Variants in GALNT9 observed in about 807,000 individuals in gnomAD.
GALNT9 encodes the protein GalNAc transferase 9.
In GALNT9, 47 loss-of-function variants were observed where a neutral mutation model predicts 63.1. The ratio of observed to expected loss-of-function variants is 0.75; its 90% CI spans 0.59 to 0.95. The LOEUF is 0.95. GALNT9 is among the 40% of genes least tolerant of loss of function. The probability of loss-of-function intolerance (pLI) is 0.00; values close to 1 mark genes in which losing one functional copy is unlikely to be tolerated. For synonymous variants in GALNT9, 396 were observed against 365.7 expected (o/e 1.08, Z -0.94); for missense variants, 829 against 874.8 (o/e 0.95, Z 0.66).
intron 6 of GALNT9, among the ~76,000 whole-genome samples, chr12:132,228,102 G>C (rs1877763268): frequency 6.6e-6 from 1 of 152,104 alleles, no homozygotes; most frequent in Admixed American, 6.5e-5. Context: ...GGGGTGGCGG[G>C]GGGGCACCAA....
rs75403794 is a variant in GALNT9, at chr12:132,263,516, G to A, written c.420-891C>T. Among the ~76,000 whole-genome samples, 20 of 152,262 alleles carry A rather than the reference G, an allele frequency of 1.3e-4. No homozygotes were observed. The East Asian group carries it at 3.9e-3, about 30-fold the overall frequency. ...CACTCCCAGAGCCCAGGGGGAGGGG[G>A]GCAGGGCTGCTCAGAAAGCCTGTGG... On this transcript the variant is annotated intron_variant, in intron 2 of 10. Coordinates refer to ENST00000328957, the MANE Select transcript of GALNT9 (RefSeq NM_001122636.2).
chr12:132,199,023 C>T (rs1189377437), intron 9 of GALNT9, 151 bp downstream of exon 9: 7 of 582,632 alleles, frequency 1.2e-5, no homozygotes, highest in African/African-American at 7.5e-5. Flanking sequence ...TCTAGAGGGG[C>T]CCTCAGGCTG....
In GALNT9 at chr12:132,286,136, TG is replaced by T; in HGVS notation, c.419+113del. ...GGGGCGGTCACTTCCCTGGCGGGCG[TG>T]GGGGCCGCTCACTTCCCCGGCCGGC... On this transcript the variant is annotated intron_variant, in intron 2 of 10. Coordinates refer to ENST00000328957, the MANE Select transcript of GALNT9 (RefSeq NM_001122636.2). The surrounding 1 kb of genome is among the most constrained non-coding windows in gnomAD (Gnocchi z 7.4). The T allele has an allele frequency of 8.8e-7, 1 of 1,137,378 alleles. No individual in the cohort carries two copies. Among genetic ancestry groups the T allele is most frequent in the Non-Finnish European group, 1.2e-6 (1 of 864,222 alleles). 70.5% of individuals were successfully genotyped at this position (1,137,378 alleles called of 1,614,324 possible).
In GALNT9 at chr12:132,252,568, G is replaced by A. The variant is rs1349594501; in HGVS notation, c.960-4541C>T. Among the ~76,000 whole-genome samples the A allele has an allele frequency of 6.6e-6, 1 of 152,144 alleles. No homozygotes were observed. The highest frequency in any genetic ancestry group is 1.5e-5 in the Non-Finnish European group (1 of 68,030). On this transcript the variant is annotated intron_variant, in intron 5 of 10. Transcript: ENST00000328957. This position sits in a 1 kb window ranked among gnomAD's most constrained non-coding sequence, Gnocchi z 5.2. ...AAGAGAAAACAGCTGGGCCTGGGGG[G>A]AACCACTGCCATCAAGACACGGAGA... is the stretch of plus-strand genomic sequence containing the variant.
chr12:132,285,461 T>C (rs571389889), intron 2 of GALNT9, among the ~76,000 whole-genome samples: 1 of 152,332 alleles, frequency 6.6e-6, no homozygotes. Flanking sequence ...AGGGCAGGTG[T>C]GAGGGTCAGC....
At chr12:132,259,697 C>G (rs1879291512) in intron 4 of GALNT9, among the ~76,000 whole-genome samples, 2 of 152,176 alleles carry the variant, frequency 1.3e-5, no homozygotes, top group Non-Finnish European at 2.9e-5. Context: ...GCAGGAGGCC[C>G]AAGGTCACAT....
In GALNT9 at chr12:132,319,254, G is replaced by A. The variant is rs1040206212; in HGVS notation, c.238+9712C>T. Among the ~76,000 whole-genome samples the A allele has an allele frequency of 2.0e-5, 3 of 152,170 alleles. No homozygotes were observed. Among genetic ancestry groups the A allele is most frequent in the Non-Finnish European group, 4.4e-5 (3 of 68,020 alleles). Reference sequence around the variant, plus strand: ...CTGAATCAGGGGGCTGAGGAAGAAAGGTCTGTCCTCCCCAGTGCAGACAGG... The same window carrying A: ...CTGAATCAGGGGGCTGAGGAAGAAAAGTCTGTCCTCCCCAGTGCAGACAGG... On this transcript the variant is annotated intron_variant, in intron 1 of 10. Transcript: ENST00000328957. The surrounding 1 kb of genome is among the most constrained non-coding windows in gnomAD (Gnocchi z 5.2).
At chr12:132,208,220 C>T (rs1431949565) in intron 6 of GALNT9, among the ~76,000 whole-genome samples, 2 of 151,614 alleles carry the variant, frequency 1.3e-5, no homozygotes, top group African/African-American at 4.8e-5. Flanking sequence ...AAGGATCAGG[C>T]AAAATCCTCC....
chr12:132,310,459 C>A lies in GALNT9; in HGVS notation c.238+18507G>T, dbSNP rs1475461013. Among the ~76,000 whole-genome samples the A allele has an allele frequency of 6.6e-6, 1 of 152,188 alleles. No homozygotes were observed. Among genetic ancestry groups the A allele is most frequent in the Non-Finnish European group, 1.5e-5 (1 of 68,048 alleles). On this transcript the variant is annotated intron_variant, in intron 1 of 10. Transcript: ENST00000328957. The surrounding 1 kb of genome is among the most constrained non-coding windows in gnomAD (Gnocchi z 4.8). ...CACCCAGAAGGACGGGGCCGGCCAT[C>A]TCCTGGAGGCTGAGAGCCCTCCGGG... is the stretch of plus-strand genomic sequence containing the variant.
rs1214508268 is a variant in GALNT9, at chr12:132,286,021, G to A, written c.419+229C>T. Among the ~76,000 whole-genome samples the A allele has an allele frequency of 6.6e-6, 1 of 152,096 alleles. No homozygotes were observed. The highest frequency in any genetic ancestry group is 1.5e-5 in the Non-Finnish European group (1 of 67,986). ...CTTTGCGCGTTTCTCCCAGGAGCCCGCAGCTCGTGGGGGCAGTCCCCGGCC... is the reference window on the plus strand; with the variant it reads ...CTTTGCGCGTTTCTCCCAGGAGCCCACAGCTCGTGGGGGCAGTCCCCGGCC... On this transcript the variant is annotated intron_variant, in intron 2 of 10. Coordinates refer to ENST00000328957, the MANE Select transcript of GALNT9 (RefSeq NM_001122636.2). The surrounding 1 kb of genome is among the most constrained non-coding windows in gnomAD (Gnocchi z 7.4).
intron 6 of GALNT9, among the ~76,000 whole-genome samples, chr12:132,239,941 C>T (rs1487324136): frequency 2.0e-5 from 3 of 152,052 alleles, no homozygotes; most frequent in African/African-American, 7.2e-5. Context: ...TGGCCTCAGG[C>T]AGCCGCCTGC....
intron 1 of GALNT9, among the ~76,000 whole-genome samples, chr12:132,288,920 G>A (rs782476769): frequency 2.8e-4 from 42 of 152,112 alleles, no homozygotes; most frequent in African/African-American, 3.6e-4. Flanking sequence ...CGTTGGACCC[G>A]GCAGGAGGGT....
intron 1 of GALNT9, among the ~76,000 whole-genome samples, chr12:132,291,695 C>A (rs1555242806): frequency 6.9e-6 from 1 of 145,822 alleles, no homozygotes; most frequent in African/African-American, 2.5e-5. Context: ...TCCACAGCGC[C>A]CACATCCATG....
chr12:132,229,169 C>T (rs1229547843), intron 6 of GALNT9, among the ~76,000 whole-genome samples: 1 of 152,226 alleles, frequency 6.6e-6, no homozygotes, highest in Non-Finnish European at 1.5e-5. Flanking sequence ...CTGTTCCCTG[C>T]AGCTGCCTCT....
At chr12:132,204,946 C>T (rs1197388742) in intron 6 of GALNT9, among the ~76,000 whole-genome samples, 1 of 152,104 alleles carries the variant, frequency 6.6e-6, no homozygotes, top group Non-Finnish European at 1.5e-5. Context: ...TGAATCCCCC[C>T]ACCACCCGAG....
Position 132,196,976 on chromosome 12 carries a change from C to T in GALNT9, c.*131G>A. 1 of 1,509,086 alleles carries T rather than the reference C, an allele frequency of 6.6e-7. No individual in the cohort carries two copies. Among genetic ancestry groups the T allele is most frequent in the Non-Finnish European group, 8.8e-7 (1 of 1,132,164 alleles). 93.5% of individuals were successfully genotyped at this position (1,509,086 alleles called of 1,614,324 possible). On this transcript the variant is annotated 3_prime_UTR_variant, in exon 11 of 11. Transcript: ENST00000328957. ...GTCACTCAGCCACACCCCGGCCCCT[C>T]AGCCTCTGCTGTCCTGGCCGCACAT...
intron 9 of GALNT9, among the ~76,000 whole-genome samples, chr12:132,198,771 C>A (rs556229918): frequency 6.6e-6 from 1 of 152,330 alleles, no homozygotes; most frequent in Admixed American, 6.5e-5. Context: ...CCTGCCTCAG[C>A]CTCCCGAGCA....
Position 132,210,399 on chromosome 12 carries a change from C to T in GALNT9, c.1078-6709G>A, listed in dbSNP as rs535573125. ...AGGGCTCGTAGGGTTCTCCTGGAAG[C>T]GCTGGGGACATGCGGCCTTCATCGT... On this transcript the variant is annotated intron_variant, in intron 6 of 10. Coordinates refer to ENST00000328957, the MANE Select transcript of GALNT9 (RefSeq NM_001122636.2). 1.5e-3 allele frequency among the ~76,000 whole-genome samples: 225 copies of T among 152,316 alleles called. 1 individual carries two copies. Among genetic ancestry groups the T allele is most frequent in the Non-Finnish European group, 2.3e-3 (155 of 68,032 alleles).
intron 8 of GALNT9, among the ~76,000 whole-genome samples, chr12:132,199,504 C>T (rs1565980503): frequency 2.0e-5 from 3 of 152,116 alleles, no homozygotes; most frequent in South Asian, 2.1e-4. Context: ...GCCATCACTC[C>T]ATAGGGGAAC....
Sources: gnomAD v4.1 joint callset for allele counts (sites outside exome capture counted in the v4.1 genomes callset) on GRCh38, gnomAD v4.1.1 for gene constraint, Gnocchi (gnomAD v3.1) non-coding constraint, MANE v1.5 for transcripts, NCBI Gene and HGNC (gene_info 2026-07-23, HGNC 2026-07-21) for gene names.